MORC1: variants seen among roughly 807,000 people sequenced by gnomAD.
MORC1 encodes MORC family CW-type zinc finger protein 1.
Under a neutral mutation model 134.9 loss-of-function variants are expected in MORC1, and 59 were observed. The observed-to-expected ratio is 0.44, with a 90% CI of 0.35 to 0.54. MORC1 has a LOEUF of 0.54. MORC1 is among the 20% of genes least tolerant of loss of function. MORC1 has a pLI of 0.00. For missense variants in MORC1, 947 were observed against 1,134.5 expected (o/e 0.83, Z 2.37); for synonymous variants, 395 against 391.7 (o/e 1.01, Z -0.10).
intron 24 of MORC1, among the ~76,000 whole-genome samples, chr3:108,976,791 A>T (rs1947575928): frequency 6.6e-6 from 1 of 152,196 alleles, no homozygotes; most frequent in Non-Finnish European, 1.5e-5. Context: ...CTAAGCAATA[A>T]AGAGTCTGCC....
chr3:109,102,155 A>G (rs1950940748), intron 4 of MORC1, among the ~76,000 whole-genome samples: 1 of 152,200 alleles, frequency 6.6e-6, no homozygotes, highest in African/African-American at 2.4e-5. Context: ...TGGCCTGCAG[A>G]CAGAATGATC....
chr3:108,966,817 CCAGTGT>C (rs1394660252), intron 26 of MORC1, among the ~76,000 whole-genome samples: 1 of 151,898 alleles, frequency 6.6e-6, no homozygotes, highest in African/African-American at 2.4e-5. Flanking sequence ...CAGAGGTAGA[CCAGTGT>C]AAGTAAGTTG....
intron 15 of MORC1, among the ~76,000 whole-genome samples, chr3:109,033,474 G>A (rs540031010): frequency 9.9e-5 from 15 of 152,114 alleles, no homozygotes; most frequent in African/African-American, 3.6e-4. Context: ...CCTTTAGGAC[G>A]AAGGCACACT....
At position 109,110,803 on chromosome 3, in the gene MORC1, A is replaced by G. The variant is rs1236279675; in HGVS notation, c.120-20T>C. On this transcript the variant is annotated intron_variant, in intron 2 of 27. Transcript: ENST00000232603. ...GCATCTCTGGAAACAATACAAAAATATTATTTCTTCAATATGAAATGAATT... is the reference window on the plus strand; with the variant it reads ...GCATCTCTGGAAACAATACAAAAATGTTATTTCTTCAATATGAAATGAATT... 2 of 1,572,290 alleles carry G rather than the reference A, an allele frequency of 1.3e-6. No homozygotes were observed. The highest frequency in any genetic ancestry group is 1.4e-5 in the African/African-American group (1 of 72,834).
chr3:109,028,590 A>G lies in MORC1; in HGVS notation c.1566-701T>C, dbSNP rs190899714. Among the ~76,000 whole-genome samples, 71 of 152,326 alleles carry G rather than the reference A, an allele frequency of 4.7e-4. 1 individual carries two copies. In the East Asian group the frequency reaches 0.012, roughly 26 times the overall value. On this transcript the variant is annotated intron_variant, in intron 16 of 27. Coordinates refer to ENST00000232603, the MANE Select transcript of MORC1 (RefSeq NM_014429.4). Reference sequence around the variant, plus strand: ...ATGAACAATAAACAGGCTATGGATGAGCACATTCCTTGTTAAAATTACAAA... The same window carrying G: ...ATGAACAATAAACAGGCTATGGATGGGCACATTCCTTGTTAAAATTACAAA...
intron 12 of MORC1, among the ~76,000 whole-genome samples, chr3:109,059,107 T>C (rs1346923951): frequency 6.6e-6 from 1 of 152,124 alleles, no homozygotes; most frequent in Non-Finnish European, 1.5e-5. Flanking sequence ...AATTTAAGTT[T>C]TGAGGAAAGT....
intron 24 of MORC1, among the ~76,000 whole-genome samples, chr3:108,976,812 A>C (rs1479092126): frequency 6.6e-6 from 1 of 152,208 alleles, no homozygotes; most frequent in Non-Finnish European, 1.5e-5. Flanking sequence ...TGTTCATTAG[A>C]GTTTCTGGGA....
chr3:109,064,286 AT>A (rs1337420392), intron 9 of MORC1, among the ~76,000 whole-genome samples: 2 of 152,102 alleles, frequency 1.3e-5, no homozygotes, highest in African/African-American at 4.8e-5. Context: ...TGGTTATTTG[AT>A]TTTTCCCCCA....
chr3:109,006,081 T>C (rs1948533328), intron 18 of MORC1, among the ~76,000 whole-genome samples: 1 of 152,242 alleles, frequency 6.6e-6, no homozygotes, highest in African/African-American at 2.4e-5. Context: ...ACAATCTATT[T>C]CCCATGGCAA....
chr3:108,968,262 C>A (rs1281377807), intron 26 of MORC1, among the ~76,000 whole-genome samples: 2 of 152,188 alleles, frequency 1.3e-5, no homozygotes, highest in Non-Finnish European at 2.9e-5. Context: ...AATAAATTCA[C>A]TTTTCAGTTG....
chr3:109,074,301 G>T (rs73853804), intron 8 of MORC1, among the ~76,000 whole-genome samples: 6 of 152,124 alleles, frequency 3.9e-5, no homozygotes, highest in African/African-American at 1.2e-4. Flanking sequence ...TTTTTTACTA[G>T]GGGCTGTGCT....
chr3:109,034,223 C>A (rs1220170242), intron 15 of MORC1, among the ~76,000 whole-genome samples: 1 of 152,178 alleles, frequency 6.6e-6, no homozygotes, highest in Non-Finnish European at 1.5e-5. Context: ...TCTGACCAGT[C>A]AGGTCTTCCT....
chr3:109,024,502 T>TC (rs1049813764), intron 17 of MORC1, among the ~76,000 whole-genome samples: 1 of 152,164 alleles, frequency 6.6e-6, no homozygotes, highest in African/African-American at 2.4e-5. Context: ...GAACCTAAAA[T>TC]CCAGAAAGAT....
intron 14 of MORC1, among the ~76,000 whole-genome samples, chr3:109,045,513 C>T (rs1949674306): frequency 6.6e-6 from 1 of 152,154 alleles, no homozygotes; most frequent in East Asian, 1.9e-4. Context: ...AACCATGAGG[C>T]CAACTGCCGT....
At chr3:109,049,713 T>C (rs902273379) in intron 14 of MORC1, among the ~76,000 whole-genome samples, 55 of 152,144 alleles carry the variant, frequency 3.6e-4, no homozygotes, top group African/African-American at 1.3e-3. Flanking sequence ...TTAAAAACTT[T>C]AATGGTAAGG....
intron 24 of MORC1, among the ~76,000 whole-genome samples, chr3:108,972,210 T>C (rs1947402396): frequency 6.6e-6 from 1 of 152,194 alleles, no homozygotes; most frequent in Admixed American, 6.5e-5. Context: ...CTAGGATTAA[T>C]CACCTATATG....
chr3:108,967,291 C>T (rs1001473581), intron 26 of MORC1, among the ~76,000 whole-genome samples: 11 of 152,098 alleles, frequency 7.2e-5, no homozygotes, highest in East Asian at 1.9e-4. Flanking sequence ...AGATATAAAA[C>T]GGTATATATA....
In MORC1 at chr3:109,110,744, C is replaced by T; in HGVS notation, c.154+5G>A. On this transcript the variant is annotated splice_donor_5th_base_variant and intron_variant, in intron 3 of 27. Coordinates refer to ENST00000232603, the MANE Select transcript of MORC1 (RefSeq NM_014429.4). ...AAAATAAAAGAAGAAAGCAAATCTG[C>T]TCACCTGAAAAGACATCAAGTCTTT... 4 of 1,582,438 alleles carry T rather than the reference C, an allele frequency of 2.5e-6. No homozygotes were observed. Among genetic ancestry groups the T allele is most frequent in the Non-Finnish European group, 3.4e-6 (4 of 1,171,256 alleles).
chr3:109,117,980 C>T lies in MORC1; in HGVS notation c.65+15G>A. On this transcript the variant is annotated intron_variant, in intron 1 of 27. Transcript: ENST00000232603. ...CAGAGACCCTCCCCGACCCCGACCC[C>T]ACCTCGGCACTCACGAGTTGGCGTG... 1.9e-6 allele frequency: 3 copies of T among 1,586,160 alleles called. No homozygotes were observed. The highest frequency in any genetic ancestry group is 2.6e-6 in the Non-Finnish European group (3 of 1,165,490).
Sources: gnomAD v4.1 joint callset for allele counts (sites outside exome capture counted in the v4.1 genomes callset) on GRCh38, gnomAD v4.1.1 for gene constraint, MANE v1.5 for transcripts, NCBI Gene and HGNC (gene_info 2026-07-23, HGNC 2026-07-21) for gene names.